Variants in SRGAP3 observed in about 807,000 individuals in gnomAD.
The protein encoded by SRGAP3 is SLIT-ROBO Rho GTPase-activating protein 3.
A neutral mutation model predicts 121.1 loss-of-function variants in SRGAP3; 39 were observed. The ratio of observed to expected loss-of-function variants is 0.32; its 90% confidence interval spans 0.25 to 0.42. The LOEUF (loss-of-function observed/expected upper bound fraction) is 0.42. SRGAP3 is among the 10% of genes least tolerant of loss of function. The pLI is 1.00. For missense variants in SRGAP3, 1,213 were observed against 1,470.6 expected, an observed-to-expected ratio of 0.82 and a Z score of 2.86; for synonymous variants, 601 against 570.0, an observed-to-expected ratio of 1.05 and a Z score of -0.77.
chr3:8,995,439 G>A (rs747578125), intron 18 of SRGAP3, among the ~76,000 whole-genome samples: 3 of 152,156 alleles, frequency 2.0e-5, no homozygotes, highest in Non-Finnish European at 4.4e-5. Flanking sequence ...TCATGCCACT[G>A]TACTCCAGCT....
intron 2 of SRGAP3, among the ~76,000 whole-genome samples, chr3:9,110,654 C>CTAGGTCCAT (rs1162033159): frequency 6.6e-6 from 1 of 152,262 alleles, no homozygotes; most frequent in Non-Finnish European, 1.5e-5. Flanking sequence ...GGCCCATTCT[C>CTAGGTCCAT]TAGGTCCATC....
chr3:9,251,198 A>C (rs1171476918), upstream of SRGAP3, among the ~76,000 whole-genome samples: 1 of 152,192 alleles, frequency 6.6e-6, no homozygotes. Flanking sequence ...TGGGGCCCAC[A>C]GGTGGCAAAG....
At chr3:9,041,535 C>T (rs1945010637) in intron 10 of SRGAP3, among the ~76,000 whole-genome samples, 1 of 152,224 alleles carries the variant, frequency 6.6e-6, no homozygotes, top group Non-Finnish European at 1.5e-5. Context: ...CAACTCACTG[C>T]GTGAGCTTGG....
intron 3 of SRGAP3, among the ~76,000 whole-genome samples, chr3:9,322,282 C>T (rs550501400): frequency 9.5e-4 from 144 of 151,800 alleles, no homozygotes; most frequent in African/African-American, 3.3e-3. Flanking sequence ...GATTTGGGTA[C>T]GTGAGATGGA....
intron 1 of SRGAP3, among the ~76,000 whole-genome samples, chr3:9,338,040 T>A (rs1955720527): frequency 6.6e-6 from 1 of 152,166 alleles, no homozygotes; most frequent in African/African-American, 2.4e-5. Flanking sequence ...TAATATGGAT[T>A]TGGAATGTGG....
chr3:9,151,036 A>C (rs1388618688), intron 1 of SRGAP3, among the ~76,000 whole-genome samples: 1 of 152,360 alleles, frequency 6.6e-6, no homozygotes, highest in South Asian at 2.1e-4. Context: ...GTTGAGAAGA[A>C]TGAGACTCTA....
chr3:9,028,004 A>G, intron 12 of SRGAP3: 1 of 1,453,730 alleles, frequency 6.9e-7, no homozygotes, highest in South Asian at 1.1e-5. Context: ...ATATGGACCC[A>G]TCAGCAACAG....
chr3:8,991,852 C>A (rs1021847525), intron 20 of SRGAP3, among the ~76,000 whole-genome samples: 4 of 152,006 alleles, frequency 2.6e-5, no homozygotes, highest in African/African-American at 9.7e-5. Flanking sequence ...CCAGCAGGAC[C>A]AAAGCATAGG....
At chr3:9,171,197 C>T (rs1667947407) in intron 1 of SRGAP3, among the ~76,000 whole-genome samples, 1 of 152,240 alleles carries the variant, frequency 6.6e-6, no homozygotes, top group South Asian at 2.1e-4. Flanking sequence ...TCCCTCACTA[C>T]TGGAAAAGAA....
chr3:8,985,724 G>A lies in SRGAP3; in HGVS notation c.3095C>T (p.Ser1032Phe). 6.3e-7 allele frequency: 1 copy of A among 1,598,640 alleles called. No homozygotes were observed. Among genetic ancestry groups the A allele is most frequent in the South Asian group, 1.1e-5 (1 of 91,030 alleles). ...DAAMRRSSSS[S>F]TEMMTTFKPA... The stretch of plus-strand genomic sequence containing the variant: ...CTTGAAGGTGGTCATCATCTCGGTG[G>A]AGGAGCTGCTGCTGCGGCGCATGGC... The change falls in exon 22 of 22, where the codon TCC becomes TTC. Residue 1032 changes from serine to phenylalanine, a missense_variant. By Grantham distance (155) the Ser-to-Phe change is radical (BLOSUM62 -2). Coordinates refer to ENST00000383836, the MANE Select transcript of SRGAP3 (RefSeq NM_014850.4). This position sits in a 1 kb window ranked among gnomAD's most constrained non-coding sequence, Gnocchi z 5.1.
rs1214507358 is a variant in SRGAP3, at chr3:8,984,132, A to T, written c.*1387T>A. On this transcript the variant is annotated 3_prime_UTR_variant, in exon 22 of 22. Transcript: ENST00000383836. ...TGGCTGTCACACGTGAAGATCATGCACCCATTTCTATCACCACATTTTCAT... is the reference window on the plus strand; with the variant it reads ...TGGCTGTCACACGTGAAGATCATGCTCCCATTTCTATCACCACATTTTCAT... The T allele has an allele frequency of 4.3e-6, 1 of 231,166 alleles. No individual in the cohort carries two copies. The highest frequency in any genetic ancestry group is 5.6e-5 in the Admixed American group (1 of 17,708). 14.3% of individuals were successfully genotyped at this position (231,166 alleles called of 1,614,324 possible). A position where few individuals can be genotyped will look rare whatever the true frequency, so the allele number is the denominator to read the frequency against.
At chr3:8,998,963 G>C (rs1454728730) in intron 18 of SRGAP3, among the ~76,000 whole-genome samples, 1 of 152,158 alleles carries the variant, frequency 6.6e-6, no homozygotes. Context: ...ATTAATAGAG[G>C]CTTCTAGATG....
rs748187826 is a variant in SRGAP3, at chr3:8,985,687, G to A, written c.3132C>T (p.Ser1044=). The change falls in exon 22 of 22, where the codon TCC becomes TCT. Residue 1044 remains serine (S), a synonymous_variant. Coordinates refer to ENST00000383836, the MANE Select transcript of SRGAP3 (RefSeq NM_014850.4). This position sits in a 1 kb window ranked among gnomAD's most constrained non-coding sequence, Gnocchi z 5.1. ...EMMTTFKPAL[S]ARLAGAQLRP... Reference sequence around the variant, plus strand: ...GGAGCTGGGCGCCAGCCAGGCGGGCGGACAGGGCTGGCTTGAAGGTGGTCA... The same window carrying A: ...GGAGCTGGGCGCCAGCCAGGCGGGCAGACAGGGCTGGCTTGAAGGTGGTCA... 48 of 1,596,764 alleles carry A rather than the reference G, an allele frequency of 3.0e-5. No homozygotes were observed. The highest frequency in any genetic ancestry group is 3.9e-5 in the Non-Finnish European group (46 of 1,179,202).
At chr3:9,089,018 T>C (rs1257999072) in intron 3 of SRGAP3, among the ~76,000 whole-genome samples, 2 of 152,104 alleles carry the variant, frequency 1.3e-5, no homozygotes, top group Non-Finnish European at 2.9e-5. Flanking sequence ...CTTATCCCTC[T>C]GTGGTCCATG....
intron 19 of SRGAP3, 61 bp from the exon 20 acceptor site, chr3:8,993,116 A>T: frequency 6.2e-7 from 1 of 1,606,980 alleles, no homozygotes; most frequent in Middle Eastern, 1.7e-4. Context: ...GCATATACAG[A>T]GCTCCCTGAT....
At chr3:9,175,263 G>T (rs964050153) in intron 1 of SRGAP3, among the ~76,000 whole-genome samples, 3 of 152,124 alleles carry the variant, frequency 2.0e-5, no homozygotes, top group African/African-American at 7.2e-5. Flanking sequence ...CTCTAACAGG[G>T]CACTTCACCT....
intron 1 of SRGAP3, among the ~76,000 whole-genome samples, chr3:9,354,993 A>T (rs2030417283): frequency 6.6e-6 from 1 of 152,204 alleles, no homozygotes; most frequent in African/African-American, 2.4e-5. Context: ...GATATAAACG[A>T]ACATACCATT....
At chr3:9,063,733 C>G (rs1946289380) in intron 5 of SRGAP3, among the ~76,000 whole-genome samples, 1 of 152,120 alleles carries the variant, frequency 6.6e-6, no homozygotes, top group Non-Finnish European at 1.5e-5. Context: ...AGAGATGAGA[C>G]GAATTTGCCA....
chr3:9,177,431 G>A (rs776281887), intron 1 of SRGAP3, among the ~76,000 whole-genome samples: 22 of 152,250 alleles, frequency 1.4e-4, no homozygotes, highest in Non-Finnish European at 2.8e-4. Context: ...GCAGCGAGGA[G>A]GCCGGTGGAA....
Sources: gnomAD v4.1 joint callset for allele counts (sites outside exome capture counted in the v4.1 genomes callset) on GRCh38, gnomAD v4.1.1 for gene constraint, Gnocchi (gnomAD v3.1) non-coding constraint, MANE v1.5 for transcripts, NCBI Gene and HGNC (gene_info 2026-07-23, HGNC 2026-07-21) for gene names.